PLEKHA6: variants seen among roughly 807,000 people sequenced by gnomAD.
PLEKHA6 encodes the protein pleckstrin homology domain-containing family A member 6.
Under a neutral mutation model 116.7 loss-of-function variants are expected in PLEKHA6, and 60 were observed. The observed-to-expected ratio is 0.51, with a 90% CI of 0.42 to 0.64. PLEKHA6 has a LOEUF of 0.64. Ranked by LOEUF, PLEKHA6 falls within the 30% of genes least tolerant of loss-of-function variation. The probability of loss-of-function intolerance (pLI) is 0.00; values close to 1 mark genes in which losing one functional copy is unlikely to be tolerated. For synonymous variants in PLEKHA6, 489 were observed against 556.1 expected, an observed-to-expected ratio of 0.88 and a Z score of 1.70; for missense variants, 1,338 against 1,422.7, an observed-to-expected ratio of 0.94 and a Z score of 0.96.
chr1:204,274,604 C>G (rs10751448), intron 2 of PLEKHA6, 125 bp downstream of exon 2: 653,140 of 985,050 alleles, frequency 0.66, 217,186 homozygotes, highest in East Asian at 0.83. Flanking sequence ...CGAGGTGAGT[C>G]ACTGCAAAGC....
intron 1 of PLEKHA6, chr1:204,299,814 T>A (rs1251463529): frequency 1.8e-5 from 3 of 169,518 alleles, no homozygotes; most frequent in African/African-American, 7.2e-5. Context: ...CTGGAGCAGA[T>A]GTTCTTTGTT....
At chr1:204,258,544 C>A (rs780572911) in intron 8 of PLEKHA6, among the ~76,000 whole-genome samples, 5 of 152,214 alleles carry the variant, frequency 3.3e-5, no homozygotes, top group Admixed American at 1.3e-4. Flanking sequence ...ACCAGCAATG[C>A]GCAGCCGCTC....
In PLEKHA6 at chr1:204,229,074, C is replaced by T. The variant is rs1223711375; in HGVS notation, c.2614G>A (p.Asp872Asn). The stretch of plus-strand genomic sequence containing the variant: ...AGGGCTGCCTCCAGGTTGGAGATGT[C>T]TACCTCATGGATGCTGCGGTGGCGG... ...VRRHRSIHEVDISNLEAALRA... is the reference protein window; with the variant it reads ...VRRHRSIHEVNISNLEAALRA... Residue 872 changes from aspartate (D) to asparagine (N), a missense_variant, in exon 19 of 23, where the codon GAC (aspartate) becomes AAC (asparagine). Physicochemically the swap from Asp to Asn is conservative, Grantham distance 23. This residue lies in a region of PLEKHA6 where 1,136 missense variants were observed against 1,163.6 expected (regional missense o/e 0.98). Transcript: ENST00000272203. 1 of 1,613,902 alleles carries T rather than the reference C, an allele frequency of 6.2e-7. No individual in the cohort carries two copies. The highest frequency in any genetic ancestry group is 1.7e-5 in the Admixed American group (1 of 60,026).
chr1:204,307,778 C>A (rs1671447109), intron 1 of PLEKHA6: 1 of 706,882 alleles, frequency 1.4e-6, no homozygotes. Flanking sequence ...CGGAGCTGAG[C>A]CCAGAGGTGC....
intron 1 of PLEKHA6, among the ~76,000 whole-genome samples, chr1:204,348,473 G>A (rs1673151732): frequency 6.6e-6 from 1 of 152,092 alleles, no homozygotes. Flanking sequence ...GTACCAGCTA[G>A]TGAACCCCAC....
At chr1:204,249,756 C>A (rs989265642) in intron 10 of PLEKHA6, among the ~76,000 whole-genome samples, 41 of 152,160 alleles carry the variant, frequency 2.7e-4, no homozygotes, top group Non-Finnish European at 7.3e-5. Flanking sequence ...CCTCTGAGGT[C>A]TAGTCCTGTC....
chr1:204,249,293 G>C (rs752450646), intron 10 of PLEKHA6, 29 bp from the exon 11 acceptor site: 2 of 1,506,236 alleles, frequency 1.3e-6, no homozygotes, highest in East Asian at 2.3e-5. Flanking sequence ...GAGAAGGAGA[G>C]GGAGAAAGAA....
intron 17 of PLEKHA6, among the ~76,000 whole-genome samples, chr1:204,236,457 T>G (rs956122328): frequency 6.6e-5 from 10 of 152,288 alleles, no homozygotes; most frequent in African/African-American, 2.4e-4. Flanking sequence ...AACAGATTTG[T>G]GAGGGCAGCA....
chr1:204,277,432 C>T lies in PLEKHA6; in HGVS notation c.-94-2623G>A, dbSNP rs1668134566. On this transcript the variant is annotated intron_variant, in intron 1 of 22. Transcript: ENST00000272203. This position sits in a 1 kb window ranked among gnomAD's most constrained non-coding sequence, Gnocchi z 4.1. ...GTAGCACTCCCAGGTAGTCCGACCT[C>T]AGTGAGCTAAGGACGCAGAGTAGCT... Among the ~76,000 whole-genome samples, 1 of 152,114 alleles carries T rather than the reference C, an allele frequency of 6.6e-6. No homozygotes were observed. Among genetic ancestry groups the T allele is most frequent in the Admixed American group, 6.5e-5 (1 of 15,284 alleles).
chr1:204,367,116 A>G (rs1472460386), intron 3 of PLEKHA6, among the ~76,000 whole-genome samples: 1 of 152,202 alleles, frequency 6.6e-6, no homozygotes, highest in African/African-American at 2.4e-5. Flanking sequence ...CAAGGCAGAG[A>G]GAAGTGAGTT....
At chr1:204,248,354 A>G (rs900169106) in intron 12 of PLEKHA6, among the ~76,000 whole-genome samples, 1 of 152,016 alleles carries the variant, frequency 6.6e-6, no homozygotes, top group African/African-American at 2.4e-5. Context: ...GGGTTTCTCC[A>G]TGTAGGTCAG....
intron 1 of PLEKHA6, among the ~76,000 whole-genome samples, chr1:204,308,713 CAG>C (rs1342082273): frequency 2.6e-4 from 2 of 7,830 alleles, no homozygotes; most frequent in African/African-American, 2.8e-3. Context: ...TTTTTTGAGA[CAG>C]AGTCTGGCTG....
intron 1 of PLEKHA6, among the ~76,000 whole-genome samples, chr1:204,281,416 T>C (rs1328470833): frequency 6.6e-6 from 1 of 151,924 alleles, no homozygotes; most frequent in Non-Finnish European, 1.5e-5. Flanking sequence ...TCCCAGCTAC[T>C]CAGGAGGCTG....
At chr1:204,361,024 T>A (rs1194491660), upstream of PLEKHA6, among the ~76,000 whole-genome samples, 1 of 152,154 alleles carries the variant, frequency 6.6e-6, no homozygotes, top group African/African-American at 2.4e-5. Context: ...ACCAAAAGAT[T>A]CCCACCTCAA....
chr1:204,332,655 C>T (rs1021527144), intron 1 of PLEKHA6, among the ~76,000 whole-genome samples: 3 of 152,226 alleles, frequency 2.0e-5, no homozygotes, highest in African/African-American at 7.2e-5. Context: ...GCTGGGATTA[C>T]AGGCGTGAGC....
intron 1 of PLEKHA6, among the ~76,000 whole-genome samples, chr1:204,318,503 C>A (rs1176395709): frequency 1.3e-5 from 2 of 152,192 alleles, no homozygotes; most frequent in African/African-American, 4.8e-5. Flanking sequence ...TCTTGCATAG[C>A]AGGGGAAGGC....
chr1:204,375,151 G>C (rs1036373115), intron 1 of PLEKHA6, among the ~76,000 whole-genome samples: 2 of 151,994 alleles, frequency 1.3e-5, no homozygotes, highest in Non-Finnish European at 2.9e-5. Context: ...GGTGCTGCCT[G>C]GGGTATACTC....
At position 204,267,551 on chromosome 1, in the gene PLEKHA6, C is replaced by G; in HGVS notation, c.208-4G>C. 6.2e-7 allele frequency: 1 copy of G among 1,613,598 alleles called. No individual in the cohort carries two copies. The highest frequency in any genetic ancestry group is 8.5e-7 in the Non-Finnish European group (1 of 1,179,638). ...ACTGCTTAACCCCGGAGCTGGCCTG[C>G]GGGACATGGGAGAGGCAGATGTGAG... On this transcript the variant is annotated splice_region_variant and splice_polypyrimidine_tract_variant and intron_variant, in intron 4 of 22. Transcript: ENST00000272203.
chr1:204,264,409 A>T (rs1666527416), intron 6 of PLEKHA6, among the ~76,000 whole-genome samples: 2 of 152,172 alleles, frequency 1.3e-5, no homozygotes, highest in African/African-American at 4.8e-5. Context: ...TCTTCGTAAG[A>T]TTTGCAGCTC....
Sources: allele counts gnomAD v4.1 joint callset (sites outside exome capture counted in the v4.1 genomes callset), GRCh38; gene constraint gnomAD v4.1.1; regional missense constraint gnomAD v4.1.1; non-coding constraint Gnocchi (gnomAD v3.1); transcripts MANE v1.5; gene names NCBI Gene and HGNC (gene_info 2026-07-23, HGNC 2026-07-21).